RALGPS1: variants seen among roughly 807,000 people sequenced by gnomAD.
The protein encoded by RALGPS1 is ras-specific guanine nucleotide-releasing factor RalGPS1.
Under a neutral mutation model 78.8 loss-of-function variants are expected in RALGPS1, and 19 were observed. That is an observed-to-expected ratio of 0.24 (90% confidence interval 0.17 to 0.35). The LOEUF is 0.35. Ranked by LOEUF, RALGPS1 falls within the 10% of genes least tolerant of loss-of-function variation. RALGPS1 has a pLI of 1.00. For missense variants in RALGPS1, 454 were observed against 688.3 expected (o/e 0.66, Z 3.81); for synonymous variants, 228 against 256.3 (o/e 0.89, Z 1.06).
intron 1 of RALGPS1, among the ~76,000 whole-genome samples, chr9:126,960,209 C>CTCCG (rs2038760801): frequency 1.6e-5 from 1 of 63,556 alleles, no homozygotes; most frequent in Non-Finnish European, 3.4e-5. Flanking sequence ...CCCTCCCTCC[C>CTCCG]TCCCTCCCTC....
intron 14 of RALGPS1, among the ~76,000 whole-genome samples, chr9:127,200,030 ATGTGCT>A (rs2061548671): frequency 1.3e-5 from 2 of 151,560 alleles, no homozygotes; most frequent in African/African-American, 4.9e-5. Flanking sequence ...ACGCTCACAC[ATGTGCT>A]TGTGTATACA....
intron 9 of RALGPS1, among the ~76,000 whole-genome samples, chr9:127,167,423 A>G (rs2059349999): frequency 1.3e-5 from 2 of 152,198 alleles, no homozygotes; most frequent in Admixed American, 6.5e-5. Context: ...AACCACAGAC[A>G]TGGGCTTCAG....
chr9:127,139,552 C>T (rs1162198921), intron 8 of RALGPS1, among the ~76,000 whole-genome samples: 1 of 152,226 alleles, frequency 6.6e-6, no homozygotes, highest in Non-Finnish European at 1.5e-5. Context: ...CTGTGCATAG[C>T]AGCTGGGGTG....
At chr9:127,003,609 TGG>T (rs2043554626) in intron 4 of RALGPS1, among the ~76,000 whole-genome samples, 1 of 152,334 alleles carries the variant, frequency 6.6e-6, no homozygotes, top group Non-Finnish European at 1.5e-5. Flanking sequence ...ATGCAATGTG[TGG>T]GAGTGAAATT....
At chr9:126,934,193 G>A (rs891447103) in intron 1 of RALGPS1, among the ~76,000 whole-genome samples, 2 of 127,784 alleles carry the variant, frequency 1.6e-5, no homozygotes, top group African/African-American at 5.0e-5. Context: ...TCAAATAATA[G>A]ATTGAAGTCA....
chr9:126,956,247 GGC>G (rs1322149408), intron 1 of RALGPS1, among the ~76,000 whole-genome samples: 14 of 151,912 alleles, frequency 9.2e-5, no homozygotes, highest in Non-Finnish European at 1.2e-4. Context: ...CTGTTCTCAG[GGC>G]GGGGCTAGGC....
In RALGPS1 at chr9:126,999,275, A is replaced by G. The variant is rs1003164658; in HGVS notation, c.216+21530A>G. On this transcript the variant is annotated intron_variant, in intron 4 of 18. Transcript: ENST00000259351. ...TACATGCACAGCCTCCCCCACTATC[A>G]GCGTCCTCCCCCAGAGTGGATTTGT... Among the ~76,000 whole-genome samples the G allele has an allele frequency of 1.1e-4, 17 of 152,040 alleles. No homozygotes were observed. In the East Asian group the frequency reaches 1.9e-3, roughly 17 times the overall value.
chr9:127,027,220 A>G (rs771238979), intron 4 of RALGPS1, among the ~76,000 whole-genome samples: 2 of 152,060 alleles, frequency 1.3e-5, no homozygotes, highest in Non-Finnish European at 2.9e-5. Context: ...TTCTCTTCCT[A>G]GTTTAGGTCT....
rs2056148513 is a variant in RALGPS1 at position 127,122,004 on chromosome 9, A to G, written c.611-44065A>G. Among the ~76,000 whole-genome samples the G allele has an allele frequency of 2.0e-5, 3 of 152,132 alleles. No homozygotes were observed. Among genetic ancestry groups the G allele is most frequent in the African/African-American group, 7.2e-5 (3 of 41,436 alleles). On this transcript the variant is annotated intron_variant, in intron 8 of 18. Transcript: ENST00000259351. This position sits in a 1 kb window ranked among gnomAD's most constrained non-coding sequence, Gnocchi z 6.4. ...CACACCTACACACACGCACACTCCC[A>G]GCTGCTCTGCCGTGCCGGGAGCTGC...
chr9:126,950,691 T>C lies in RALGPS1; in HGVS notation c.-65-11534T>C, dbSNP rs1234877456. Among the ~76,000 whole-genome samples, 6 of 151,722 alleles carry C rather than the reference T, an allele frequency of 4.0e-5. No individual in the cohort carries two copies. In the South Asian group the frequency reaches 6.3e-4, roughly 16 times the overall value. ...GTGTGTAGAGGGAAATTTGTAGCAC[T>C]AAATGCCCACAAGAGAAAGCAGGAA... On this transcript the variant is annotated intron_variant, in intron 1 of 18. Coordinates refer to ENST00000259351, the MANE Select transcript of RALGPS1 (RefSeq NM_014636.3).
At chr9:126,991,977 A>G (rs2042323401) in intron 4 of RALGPS1, among the ~76,000 whole-genome samples, 1 of 152,210 alleles carries the variant, frequency 6.6e-6, no homozygotes, top group African/African-American at 2.4e-5. Context: ...TATATCCCTC[A>G]TGGCAAGCAG....
chr9:127,195,676 G>T (rs542301124), intron 12 of RALGPS1, among the ~76,000 whole-genome samples: 1 of 152,204 alleles, frequency 6.6e-6, no homozygotes, highest in East Asian at 1.9e-4. Flanking sequence ...GGGGACATGC[G>T]TGAGCCCTCG....
intron 18 of RALGPS1, chr9:127,217,059 C>T: frequency 7.0e-7 from 1 of 1,431,408 alleles, no homozygotes; most frequent in Non-Finnish European, 9.2e-7. Context: ...TGAGTAAAAC[C>T]CATTGTCCCT....
intron 8 of RALGPS1, among the ~76,000 whole-genome samples, chr9:127,119,007 G>A (rs540705200): frequency 6.6e-6 from 1 of 152,280 alleles, no homozygotes; most frequent in African/African-American, 2.4e-5. Context: ...TGTAGAAAGC[G>A]CATCAATAGT....
chr9:127,064,008 A>G (rs961308756), intron 7 of RALGPS1, among the ~76,000 whole-genome samples: 2 of 152,244 alleles, frequency 1.3e-5, no homozygotes, highest in Non-Finnish European at 2.9e-5. Flanking sequence ...TGCAGCCAGC[A>G]TGGTCAGCCT....
chr9:126,965,797 C>A, intron 2 of RALGPS1, 47 bp from the exon 3 acceptor site: 3 of 1,441,978 alleles, frequency 2.1e-6, no homozygotes, highest in Non-Finnish European at 2.9e-6. Context: ...GGCAATGATT[C>A]CACGTCATAT....
intron 8 of RALGPS1, among the ~76,000 whole-genome samples, chr9:127,083,875 C>T (rs1410392176): frequency 6.6e-6 from 1 of 152,106 alleles, no homozygotes; most frequent in African/African-American, 2.4e-5. Flanking sequence ...CTGTGGAGGT[C>T]TGGAGTGGGG....
intron 4 of RALGPS1, among the ~76,000 whole-genome samples, chr9:127,014,437 T>C (rs937141730): frequency 2.0e-5 from 3 of 152,170 alleles, no homozygotes; most frequent in Non-Finnish European, 4.4e-5. Context: ...TGCGTAGCCA[T>C]TGCTGGAATT....
At chr9:126,955,128 C>A (rs542768263) in intron 1 of RALGPS1, among the ~76,000 whole-genome samples, 1 of 152,238 alleles carries the variant, frequency 6.6e-6, no homozygotes, top group Non-Finnish European at 1.5e-5. Context: ...TGGCAAATAT[C>A]ATCTTTCACC....
Sources: gnomAD v4.1 joint callset for allele counts (sites outside exome capture counted in the v4.1 genomes callset) on GRCh38, gnomAD v4.1.1 for gene constraint, Gnocchi (gnomAD v3.1) non-coding constraint, MANE v1.5 for transcripts, NCBI Gene and HGNC (gene_info 2026-07-23, HGNC 2026-07-21) for gene names.